Variants in RASGRP3 observed in about 807,000 individuals in gnomAD.
The protein encoded by RASGRP3 is RAS guanyl releasing protein 3.
Under a neutral mutation model 82.7 loss-of-function variants are expected in RASGRP3, and 54 were observed. The ratio of observed to expected loss-of-function variants is 0.65; its 90% confidence interval spans 0.52 to 0.82. The LOEUF is 0.82. Among genes scored for constraint, RASGRP3 ranks in the 40% least tolerant of loss-of-function variants. The pLI, the probability that RASGRP3 is intolerant of heterozygous loss-of-function variation, is 0.00. For synonymous variants in RASGRP3, 309 were observed against 300.5 expected, an observed-to-expected ratio of 1.03 and a Z score of -0.29; for missense variants, 861 against 828.9, an observed-to-expected ratio of 1.04 and a Z score of -0.48.
rs115677862 is a variant in RASGRP3, at chr2:33,443,604, C to G, written c.-384-4216C>G. 2.4e-3 allele frequency among the ~76,000 whole-genome samples: 362 copies of G among 151,678 alleles called. 1 individual carries two copies. Among genetic ancestry groups the G allele is most frequent in the African/African-American group, 8.5e-3 (352 of 41,340 alleles). On this transcript the variant is annotated intron_variant, in intron 1 of 18. Coordinates refer to the RASGRP3 transcript ENST00000402538. ...ATTATGGAACACCCTACAGCACAGT[C>G]CTGTAGAAATACATACCTGTAATCC...
At chr2:33,473,977 G>A (rs538068165), upstream of RASGRP3, among the ~76,000 whole-genome samples, 15 of 148,562 alleles carry the variant, frequency 1.0e-4, no homozygotes, top group East Asian at 4.0e-4. Flanking sequence ...GATCCCTCGC[G>A]TGCACAGTTC....
chr2:33,543,487 A>C (rs750892331), intron 12 of RASGRP3, 25 bp from the exon 13 acceptor site: 2 of 1,443,590 alleles, frequency 1.4e-6, no homozygotes, highest in Non-Finnish European at 1.9e-6. Flanking sequence ...TAGTCATTCA[A>C]TAAATACTTA....
chr2:33,475,258 T>C (rs537583722), upstream of RASGRP3, among the ~76,000 whole-genome samples: 2 of 152,354 alleles, frequency 1.3e-5, no homozygotes, highest in South Asian at 4.1e-4. Flanking sequence ...CTCTTCGGAC[T>C]CTCACAAGTT....
chr2:33,534,052 G>T, intron 10 of RASGRP3: 3 of 365,224 alleles, frequency 8.2e-6, no homozygotes, highest in South Asian at 4.8e-5. Context: ...TCCCTCATCC[G>T]TGACTCAGCA....
chr2:33,524,801 C>G (rs1430800730), intron 9 of RASGRP3, among the ~76,000 whole-genome samples: 1 of 151,940 alleles, frequency 6.6e-6, no homozygotes, highest in African/African-American at 2.4e-5. Context: ...TAGTGGTGGC[C>G]GGGCACGGTG....
chr2:33,441,261 C>T (rs187876296), intron 1 of RASGRP3, among the ~76,000 whole-genome samples: 1 of 152,096 alleles, frequency 6.6e-6, no homozygotes, highest in Admixed American at 6.6e-5. Flanking sequence ...CCCTTTCCCC[C>T]CTCCTCCCAC....
intron 10 of RASGRP3, chr2:33,531,005 T>C (rs1243832084): frequency 1.3e-5 from 2 of 152,238 alleles, no homozygotes; most frequent in Non-Finnish European, 2.9e-5. Context: ...TTTTACCATT[T>C]TGAGTACATG....
chr2:33,449,427 T>C (rs1335423886), intron 2 of RASGRP3, among the ~76,000 whole-genome samples: 1 of 152,180 alleles, frequency 6.6e-6, no homozygotes, highest in Non-Finnish European at 1.5e-5. Context: ...AAAACCATGT[T>C]TGATGACATA....
chr2:33,534,860 T>C (rs1033072929), intron 11 of RASGRP3, among the ~76,000 whole-genome samples: 1 of 152,086 alleles, frequency 6.6e-6, no homozygotes, highest in Admixed American at 6.6e-5. Context: ...ATTTTATCAA[T>C]GGGACAGCTT....
At chr2:33,467,728 C>T (rs998098118) in intron 2 of RASGRP3, among the ~76,000 whole-genome samples, 4 of 152,114 alleles carry the variant, frequency 2.6e-5, no homozygotes, top group African/African-American at 9.7e-5. Context: ...GGAAGTTGTA[C>T]TATCTGACAG....
intron 1 of RASGRP3, among the ~76,000 whole-genome samples, chr2:33,477,471 A>AT (rs1667479372): frequency 6.6e-6 from 1 of 152,130 alleles, no homozygotes; most frequent in African/African-American, 2.4e-5. Context: ...TTTTCGTGAT[A>AT]CTCAGGCTGT....
chr2:33,443,744 G>T (rs575038158), intron 1 of RASGRP3, among the ~76,000 whole-genome samples: 1 of 150,156 alleles, frequency 6.7e-6, no homozygotes, highest in East Asian at 2.0e-4. Context: ...AGCTGGGCAT[G>T]GTGGTACGTG....
At position 33,564,438 on chromosome 2, in the gene RASGRP3, C is replaced by A. The variant is rs1222357749; in HGVS notation, c.*1701C>A. On this transcript the variant is annotated 3_prime_UTR_variant, in exon 18 of 18. Coordinates refer to ENST00000403687, the MANE Select transcript of RASGRP3 (RefSeq NM_001139488.2). ...CTAGATGTTGGTTTCATGTATATTA[C>A]ACTATCTACTACTATCCATAAATGC... The A allele has an allele frequency of 1.3e-5, 2 of 152,192 alleles. No homozygotes were observed. Among genetic ancestry groups the A allele is most frequent in the African/African-American group, 4.8e-5 (2 of 41,444 alleles). 9.4% of individuals were successfully genotyped at this position (152,192 alleles called of 1,614,324 possible). A position where few individuals can be genotyped will look rare whatever the true frequency, so the allele number is the denominator to read the frequency against.
chr2:33,475,563 G>A (rs1667307829), upstream of RASGRP3, among the ~76,000 whole-genome samples: 1 of 152,176 alleles, frequency 6.6e-6, no homozygotes, highest in Non-Finnish European at 1.5e-5. Flanking sequence ...CAAATAGGCT[G>A]CCTCTATGTC....
chr2:33,518,941 G>A (rs183345990), intron 4 of RASGRP3, among the ~76,000 whole-genome samples: 1 of 152,256 alleles, frequency 6.6e-6, no homozygotes, highest in African/African-American at 2.4e-5. Context: ...TGCTGAGGCT[G>A]TTTTACAGTT....
chr2:33,442,767 A>G (rs1470206194), intron 1 of RASGRP3, among the ~76,000 whole-genome samples: 1 of 152,234 alleles, frequency 6.6e-6, no homozygotes, highest in East Asian at 1.9e-4. Flanking sequence ...GGCAGACAAG[A>G]TGGTCAGCAA....
chr2:33,507,335 A>C (rs1670477248), intron 1 of RASGRP3, among the ~76,000 whole-genome samples: 1 of 152,034 alleles, frequency 6.6e-6, no homozygotes, highest in South Asian at 2.1e-4. Flanking sequence ...GCAGAGGTTG[A>C]AGTGAGCCAA....
At chr2:33,450,457 A>T (rs898688097) in intron 2 of RASGRP3, among the ~76,000 whole-genome samples, 1 of 152,176 alleles carries the variant, frequency 6.6e-6, no homozygotes, top group African/African-American at 2.4e-5. Flanking sequence ...GATTTCACAA[A>T]AAATGAGATC....
chr2:33,439,154 C>A (rs1203445693), intron 1 of RASGRP3, among the ~76,000 whole-genome samples: 2 of 152,188 alleles, frequency 1.3e-5, no homozygotes, highest in African/African-American at 4.8e-5. Flanking sequence ...AGCACCACAC[C>A]ATGAACACCT....
Sources: allele counts gnomAD v4.1 joint callset (sites outside exome capture counted in the v4.1 genomes callset), GRCh38; gene constraint gnomAD v4.1.1; transcripts MANE v1.5; gene names NCBI Gene and HGNC (gene_info 2026-07-23, HGNC 2026-07-21).